Variants in USP7 observed in about 807,000 individuals in gnomAD.
USP7 encodes the protein ubiquitin C-terminal hydrolase 7.
Under a neutral mutation model 162.9 loss-of-function variants are expected in USP7, and 9 were observed. That is an observed-to-expected ratio of 0.06 (90% CI 0.03 to 0.10). USP7 has a LOEUF of 0.10. USP7 is among the 10% of genes least tolerant of loss of function. The pLI is 1.00. For synonymous variants in USP7, 562 were observed against 475.9 expected, an observed-to-expected ratio of 1.18 and a Z score of -2.35; for missense variants, 715 against 1,373.7, an observed-to-expected ratio of 0.52 and a Z score of 7.58.
At chr16:8,917,948 C>A (rs1296618265) in intron 6 of USP7, among the ~76,000 whole-genome samples, 2 of 152,028 alleles carry the variant, frequency 1.3e-5, no homozygotes, top group Non-Finnish European at 2.9e-5. Context: ...CGCCGCCATG[C>A]CCAGATAATT....
At chr16:8,923,565 AAG>A in intron 2 of USP7, 152 bp from the exon 3 acceptor site, 4 of 788,876 alleles carry the variant, frequency 5.1e-6, no homozygotes, top group Non-Finnish European at 7.9e-6. Flanking sequence ...TTAAAACCCG[AAG>A]ACTGAGATAA....
At chr16:8,949,123 C>A (rs573763134) in intron 1 of USP7, among the ~76,000 whole-genome samples, 7 of 152,244 alleles carry the variant, frequency 4.6e-5, no homozygotes, top group Non-Finnish European at 1.0e-4. Flanking sequence ...CTAAAAACCA[C>A]TGAACCCACT....
intron 2 of USP7, among the ~76,000 whole-genome samples, chr16:8,925,692 G>A (rs1173639760): frequency 6.6e-6 from 1 of 152,124 alleles, no homozygotes; most frequent in African/African-American, 2.4e-5. Flanking sequence ...GACACACAGT[G>A]GTTAGTTCAC....
intron 3 of USP7, among the ~76,000 whole-genome samples, chr16:8,922,159 C>T (rs946429203): frequency 6.6e-6 from 1 of 152,248 alleles, no homozygotes; most frequent in East Asian, 1.9e-4. Flanking sequence ...TCCACAGGCC[C>T]TGGCTGCATC....
chr16:8,936,024 T>C (rs375499593), intron 1 of USP7, among the ~76,000 whole-genome samples: 1 of 152,244 alleles, frequency 6.6e-6, no homozygotes, highest in East Asian at 1.9e-4. Flanking sequence ...TCACGAAGAT[T>C]TATCAATCCT....
chr16:8,908,477 G>T, intron 11 of USP7, 27 bp from the exon 12 acceptor site: 1 of 1,583,758 alleles, frequency 6.3e-7, no homozygotes. Flanking sequence ...AAATGCAAAT[G>T]TAGTTAGCCT....
At chr16:8,901,568 C>T (rs987685707) in intron 18 of USP7, among the ~76,000 whole-genome samples, 6 of 152,056 alleles carry the variant, frequency 3.9e-5, no homozygotes, top group Non-Finnish European at 7.4e-5. Context: ...GGGAAGATTG[C>T]GCATGGTCTT....
At chr16:8,929,456 C>G in intron 2 of USP7, 1 of 455,880 alleles carries the variant, frequency 2.2e-6, no homozygotes, top group Non-Finnish European at 4.4e-6. Context: ...CTCATGGAGG[C>G]TGAACTTTTG....
intron 1 of USP7, among the ~76,000 whole-genome samples, chr16:8,946,608 A>G (rs931019208): frequency 6.6e-6 from 1 of 152,226 alleles, no homozygotes; most frequent in Non-Finnish European, 1.5e-5. Flanking sequence ...ACTCAACTAA[A>G]AAGTCAGAAT....
rs1010275657 is a variant in USP7, at chr16:8,904,329, T to C, written c.1704+106A>G. The C allele has an allele frequency of 6.5e-6, 10 of 1,534,974 alleles. 1 individual carries two copies. In the African/African-American group the frequency reaches 1.2e-4, roughly 19 times the overall value. ...GTACAGAGATGGATGCCCTGCTGCA[T>C]GGTGACCTGGGAGTCCCAGAGGGGT... is the stretch of plus-strand genomic sequence containing the variant. On this transcript the variant is annotated intron_variant, in intron 15 of 30. Transcript: ENST00000344836.
intron 1 of USP7, among the ~76,000 whole-genome samples, chr16:8,958,760 C>T (rs180783110): frequency 3.1e-4 from 47 of 152,372 alleles, no homozygotes; most frequent in Non-Finnish European, 5.7e-4. Context: ...AGGCTGACTA[C>T]AGCATCAGTG....
chr16:8,938,035 G>T (rs764625633), intron 1 of USP7, among the ~76,000 whole-genome samples: 4 of 152,128 alleles, frequency 2.6e-5, no homozygotes, highest in Non-Finnish European at 4.4e-5. Flanking sequence ...ACTGGCCCCA[G>T]GGTAAGGCAG....
chr16:8,893,618 C>G lies in USP7; in HGVS notation c.*380G>C, dbSNP rs2061636311. 4.6e-6 allele frequency: 1 copy of G among 219,278 alleles called. No individual in the cohort carries two copies. The highest frequency in any genetic ancestry group is 9.4e-6 in the Non-Finnish European group (1 of 106,196). The allele number at this position is 219,278 out of a possible 1,614,324, so 13.6% of individuals were successfully genotyped here. ...CGAGCCTAAACACAAGACTTGCTAGCTGCAGGGCTGGTGCACGGGACCCCA... is the reference window on the plus strand; with the variant it reads ...CGAGCCTAAACACAAGACTTGCTAGGTGCAGGGCTGGTGCACGGGACCCCA... On this transcript the variant is annotated 3_prime_UTR_variant, in exon 31 of 31. Coordinates refer to ENST00000344836, the MANE Select transcript of USP7 (RefSeq NM_003470.3).
intron 10 of USP7, among the ~76,000 whole-genome samples, chr16:8,912,862 A>T (rs535916472): frequency 5.4e-4 from 83 of 152,324 alleles, no homozygotes; most frequent in African/African-American, 1.8e-3. Flanking sequence ...AAAAAAATTT[A>T]AAAAGTTTGA....
rs1162786989 is a variant in USP7, at chr16:8,893,122, T to C, written c.*876A>G. 3 of 152,128 alleles carry C rather than the reference T, an allele frequency of 2.0e-5. No individual in the cohort carries two copies. Among genetic ancestry groups the C allele is most frequent in the Non-Finnish European group, 4.4e-5 (3 of 68,040 alleles). The allele number at this position is 152,128 out of a possible 1,614,324, so 9.4% of individuals were successfully genotyped here. On this transcript the variant is annotated 3_prime_UTR_variant, in exon 31 of 31. Transcript: ENST00000344836. The stretch of plus-strand genomic sequence containing the variant: ...TTAAATATACAATTCATTTTTCCTT[T>C]TTTTTTCATTTTTAACTTTTTTACA...
intron 25 of USP7, among the ~76,000 whole-genome samples, chr16:8,897,736 T>TATATATAA (rs2061710351): frequency 1.8e-5 from 2 of 108,484 alleles, no homozygotes; most frequent in Non-Finnish European, 3.5e-5. Context: ...AATATATATA[T>TATATATAA]ATATATATAT....
At position 8,945,845 on chromosome 16, in the gene USP7, G is replaced by A. The variant is rs114787305; in HGVS notation, c.80-15448C>T. 7.9e-3 allele frequency among the ~76,000 whole-genome samples: 1,201 copies of A among 151,656 alleles called. 14 individuals carry two copies. Among genetic ancestry groups the A allele is most frequent in the African/African-American group, 0.025 (1,044 of 41,302 alleles). ...GCAAGAAGACTGCTTGAGGCCAGGA[G>A]TCAGAAACCAGCCTGGGCAACATAG... is the stretch of plus-strand genomic sequence containing the variant. On this transcript the variant is annotated intron_variant, in intron 1 of 30. Transcript: ENST00000344836.
At chr16:8,920,536 T>C (rs1341780014) in intron 4 of USP7, 89 bp from the exon 5 acceptor site, 11 of 1,032,934 alleles carry the variant, frequency 1.1e-5, no homozygotes, top group Admixed American at 6.0e-5. Context: ...CTGTACTTAA[T>C]AGAGATGAAA....
intron 1 of USP7, among the ~76,000 whole-genome samples, chr16:8,956,828 T>C (rs1034450114): frequency 6.6e-6 from 1 of 151,054 alleles, no homozygotes; most frequent in African/African-American, 2.4e-5. Context: ...CACAGGATAG[T>C]AAGAGCCCAG....
Sources: gnomAD v4.1 joint callset for allele counts (sites outside exome capture counted in the v4.1 genomes callset) on GRCh38, gnomAD v4.1.1 for gene constraint, MANE v1.5 for transcripts, NCBI Gene and HGNC (gene_info 2026-07-23, HGNC 2026-07-21) for gene names.